Variants in ENTPD5 observed in about 807,000 individuals in gnomAD.
ENTPD5 encodes the protein ectonucleoside triphosphate diphosphohydrolase 5 (inactive), also known as nucleoside diphosphate phosphatase ENTPD5.
ENTPD5 carries 49 observed loss-of-function variants against 60.2 expected under a neutral mutation model. The observed-to-expected ratio is 0.81, with a 90% CI of 0.65 to 1.03. ENTPD5 has a LOEUF of 1.03. Ranked by LOEUF, ENTPD5 falls within the 50% of genes least tolerant of loss-of-function variation. The pLI, the probability that ENTPD5 is intolerant of heterozygous loss-of-function variation, is 0.00. For synonymous variants in ENTPD5, 187 were observed against 185.4 expected (o/e 1.01, Z -0.07); for missense variants, 480 against 507.6 (o/e 0.95, Z 0.52).
chr14:73,958,156 C>T (rs151332337), downstream of ENTPD5: 8 of 1,613,844 alleles, frequency 5.0e-6, no homozygotes, highest in South Asian at 2.2e-5. Flanking sequence ...GACCGAGTGA[C>T]GGTTCTCTAC....
chr14:73,977,248 T>C, intron 7 of ENTPD5, 51 bp downstream of exon 7: 1 of 1,458,800 alleles, frequency 6.9e-7, no homozygotes, highest in Non-Finnish European at 9.6e-7. Context: ...GTTAGATCTT[T>C]CACTGATCCT....
chr14:74,000,266 G>C (rs1648435052), intron 3 of ENTPD5, among the ~76,000 whole-genome samples: 1 of 151,428 alleles, frequency 6.6e-6, no homozygotes, highest in Non-Finnish European at 1.5e-5. Flanking sequence ...AGACCAGCCT[G>C]GGCAACATGA....
downstream of ENTPD5, chr14:73,961,165 C>T (rs745858687): frequency 1.9e-6 from 3 of 1,612,718 alleles, no homozygotes; most frequent in Non-Finnish European, 2.5e-6. Flanking sequence ...GTGGCTGATG[C>T]TGCTCAGTGG....
chr14:73,999,674 C>T (rs1381602304), intron 3 of ENTPD5, among the ~76,000 whole-genome samples: 1 of 151,922 alleles, frequency 6.6e-6, no homozygotes, highest in Non-Finnish European at 1.5e-5. Flanking sequence ...TGCCTGTAAT[C>T]CCAGCTACTC....
chr14:73,959,195 C>T (rs767443437), downstream of ENTPD5: 1 of 1,614,238 alleles, frequency 6.2e-7, no homozygotes, highest in Non-Finnish European at 8.5e-7. Flanking sequence ...GCAGAGATTT[C>T]TTCCCTCTGG....
At chr14:73,992,842 A>C (rs1360113878) in intron 3 of ENTPD5, among the ~76,000 whole-genome samples, 1 of 151,892 alleles carries the variant, frequency 6.6e-6, no homozygotes, top group African/African-American at 2.4e-5. Flanking sequence ...GTCTCTGCTA[A>C]AAATACAAAA....
chr14:74,003,432 C>G, intron 3 of ENTPD5: 1 of 1,248,094 alleles, frequency 8.0e-7, no homozygotes, highest in Non-Finnish European at 1.1e-6. Context: ...AATGTGCAGT[C>G]TGAAGCACAA....
At chr14:73,984,417 G>A (rs1462661206) in intron 5 of ENTPD5, among the ~76,000 whole-genome samples, 1 of 152,154 alleles carries the variant, frequency 6.6e-6, no homozygotes, top group Non-Finnish European at 1.5e-5. Context: ...CACAAGCTGT[G>A]GCAGTAATGA....
rs2057468653 is a variant in ENTPD5, at chr14:73,976,951, A to G, written c.553+73T>C. 3.1e-6 allele frequency: 4 copies of G among 1,287,632 alleles called. No homozygotes were observed. The Admixed American group carries it at 7.8e-5, about 25-fold the overall frequency. The allele number at this position is 1,287,632 out of a possible 1,614,324, so 79.8% of individuals were successfully genotyped here. A position where few individuals can be genotyped will look rare whatever the true frequency, so the allele number is the denominator to read the frequency against. On this transcript the variant is annotated intron_variant, in intron 8 of 15. Coordinates refer to ENST00000334696, the MANE Select transcript of ENTPD5 (RefSeq NM_001249.5). ...AGAAGAAACAATACAGAATGAAAGA[A>G]AAGGCTTTTACTCCTCTGACTATGC...
intron 3 of ENTPD5, among the ~76,000 whole-genome samples, chr14:74,004,038 G>A (rs2058592812): frequency 1.3e-5 from 2 of 152,224 alleles, no homozygotes; most frequent in South Asian, 4.1e-4. Flanking sequence ...CCAGGAGTTC[G>A]AAGCTGCAGT....
chr14:73,962,190 C>T (rs912178606), downstream of ENTPD5, among the ~76,000 whole-genome samples: 1 of 152,080 alleles, frequency 6.6e-6, no homozygotes, highest in Non-Finnish European at 1.5e-5. Flanking sequence ...TCGTGATCTG[C>T]CTGCCTCGGC....
At chr14:73,968,851 CTG>C (rs1238088856) in intron 15 of ENTPD5, among the ~76,000 whole-genome samples, 1 of 152,156 alleles carries the variant, frequency 6.6e-6, no homozygotes, top group African/African-American at 2.4e-5. Flanking sequence ...GTGCCCAAAA[CTG>C]GGGATAAATA....
chr14:73,996,314 C>A, intron 3 of ENTPD5: 4 of 401,918 alleles, frequency 1.0e-5, no homozygotes, highest in Non-Finnish European at 1.3e-5. Flanking sequence ...TCTCTGAGTA[C>A]ACAATTCGTT....
At position 73,987,974 on chromosome 14, in the gene ENTPD5, G is replaced by A. The variant is rs372941211; in HGVS notation, c.129C>T (p.Val43=). ...IFLSSMCPIN[V]SASTLYGIMF... ...TAATTCCATACAAGGTGCTGGCGCT[G>A]ACATTGATGGGGCACATGGAAGACA... The change falls in exon 4 of 16, where the codon GTC becomes GTT. Residue 43 remains valine, a synonymous_variant. Transcript: ENST00000334696. 2.1e-5 allele frequency: 34 copies of A among 1,613,998 alleles called. No homozygotes were observed. In the African/African-American group the frequency reaches 4.3e-4, roughly 20 times the overall value.
chr14:73,987,002 T>C, intron 4 of ENTPD5, 109 bp from the exon 5 acceptor site: 1 of 820,628 alleles, frequency 1.2e-6, no homozygotes, highest in Non-Finnish European at 2.1e-6. Flanking sequence ...TCCCTGAAGT[T>C]ATCCCAAATG....
At chr14:73,971,775 C>A in intron 14 of ENTPD5, 77 bp downstream of exon 14, 1 of 933,552 alleles carries the variant, frequency 1.1e-6, no homozygotes, top group Non-Finnish European at 1.7e-6. Flanking sequence ...GACTGAGGTG[C>A]TTTAGGTCAC....
At chr14:73,961,362 G>T (rs772101037), downstream of ENTPD5, 1 of 1,614,202 alleles carries the variant, frequency 6.2e-7, no homozygotes, top group East Asian at 2.2e-5. Context: ...CAGGCCTCGG[G>T]TGGCGCTCAT....
intron 3 of ENTPD5, among the ~76,000 whole-genome samples, chr14:74,002,212 GC>G (rs2058533239): frequency 6.6e-6 from 1 of 152,118 alleles, no homozygotes; most frequent in Admixed American, 6.6e-5. Flanking sequence ...AATGAAATGA[GC>G]CAGAAATCAA....
rs750042321 is a variant in ENTPD5 at position 73,971,917 on chromosome 14, A to C, written c.1028-9T>G. 3 of 1,532,650 alleles carry C rather than the reference A, an allele frequency of 2.0e-6. No homozygotes were observed. The African/African-American group carries it at 4.1e-5, about 21-fold the overall frequency. The allele number at this position is 1,532,650 out of a possible 1,614,324, so 94.9% of individuals were successfully genotyped here. A position where few individuals can be genotyped will look rare whatever the true frequency, so the allele number is the denominator to read the frequency against. ...ACCCCCCTTTTCATAATCTGAAATAAAACAGAAGATTATCTGATATCAAAA... is the reference window on the plus strand; with the variant it reads ...ACCCCCCTTTTCATAATCTGAAATACAACAGAAGATTATCTGATATCAAAA... On this transcript the variant is annotated splice_polypyrimidine_tract_variant and intron_variant, in intron 13 of 15. Transcript: ENST00000334696.
Sources: allele counts gnomAD v4.1 joint callset (sites outside exome capture counted in the v4.1 genomes callset), GRCh38; gene constraint gnomAD v4.1.1; transcripts MANE v1.5; gene names NCBI Gene and HGNC (gene_info 2026-07-23, HGNC 2026-07-21).